PCDH15: variants seen among roughly 807,000 people sequenced by gnomAD.
PCDH15 encodes protocadherin-15.
Under a neutral mutation model 178.5 loss-of-function variants are expected in PCDH15, and 129 were observed. That is an observed-to-expected ratio of 0.72 (90% CI 0.63 to 0.84). PCDH15 has a LOEUF of 0.84. Ranked by LOEUF, PCDH15 falls within the 40% of genes least tolerant of loss-of-function variation. PCDH15 has a pLI of 0.00. For synonymous variants in PCDH15, 800 were observed against 732.0 expected (o/e 1.09, Z -1.50); for missense variants, 2,230 against 2,099.9 (o/e 1.06, Z -1.21).
chr10:53,880,843 TA>T (rs2080656328), intron 26 of PCDH15, among the ~76,000 whole-genome samples: 1 of 152,070 alleles, frequency 6.6e-6, no homozygotes, highest in Admixed American at 6.5e-5. Context: ...CATGGGACAA[TA>T]AGATCTGTCT....
At chr10:54,944,779 A>G (rs952805357) in intron 2 of PCDH15, among the ~76,000 whole-genome samples, 1 of 151,922 alleles carries the variant, frequency 6.6e-6, no homozygotes, top group Non-Finnish European at 1.5e-5. Flanking sequence ...TATGTTGGGG[A>G]GAATACAAAG....
chr10:54,741,540 G>A (rs1944807955), intron 1 of PCDH15, among the ~76,000 whole-genome samples: 1 of 151,926 alleles, frequency 6.6e-6, no homozygotes, highest in Non-Finnish European at 1.5e-5. Context: ...CAAAATTGAT[G>A]GTTTAAAACA....
At chr10:54,945,159 A>G (rs1291142980) in intron 2 of PCDH15, among the ~76,000 whole-genome samples, 2 of 151,924 alleles carry the variant, frequency 1.3e-5, no homozygotes, top group Non-Finnish European at 2.9e-5. Context: ...TACATAGAAA[A>G]TAAATACTTT....
chr10:55,441,098 C>G (rs1839174121), intron 2 of PCDH15, among the ~76,000 whole-genome samples: 2 of 152,126 alleles, frequency 1.3e-5, no homozygotes, highest in Non-Finnish European at 2.9e-5. Flanking sequence ...AAACATTACT[C>G]TAAGAATGTA....
rs1270092214 is a variant in PCDH15, at chr10:55,131,101, G to C, written c.-80+35475C>G. 3.3e-5 allele frequency among the ~76,000 whole-genome samples: 5 copies of C among 151,984 alleles called. No homozygotes were observed. The East Asian group carries it at 7.8e-4, about 24-fold the overall frequency. On this transcript the variant is annotated intron_variant, in intron 2 of 5. Transcript: ENST00000458638. ...AGTCTCAGTATTTGTACATTCTACTGGTTTAGAAAAATGTATTATGGCATG... is the reference window on the plus strand; with the variant it reads ...AGTCTCAGTATTTGTACATTCTACTCGTTTAGAAAAATGTATTATGGCATG...
chr10:54,558,756 A>T (rs925505057), intron 2 of PCDH15, among the ~76,000 whole-genome samples: 8 of 152,036 alleles, frequency 5.3e-5, no homozygotes, highest in Non-Finnish European at 1.2e-4. Flanking sequence ...TTGTGGGAAA[A>T]TGTGAGAAAT....
At chr10:54,987,280 G>C (rs1012196837) in intron 2 of PCDH15, among the ~76,000 whole-genome samples, 8 of 152,120 alleles carry the variant, frequency 5.3e-5, no homozygotes. Flanking sequence ...GGGCATTTGG[G>C]TTCATTCCAA....
At chr10:54,854,253 G>T (rs1487562258) in intron 3 of PCDH15, among the ~76,000 whole-genome samples, 3 of 152,160 alleles carry the variant, frequency 2.0e-5, no homozygotes, top group Non-Finnish European at 2.9e-5. Flanking sequence ...AAACTCCAGG[G>T]CCCCAAAGAG....
chr10:54,155,876 T>C (rs1388989334), intron 13 of PCDH15, among the ~76,000 whole-genome samples: 2 of 151,808 alleles, frequency 1.3e-5, no homozygotes, highest in African/African-American at 4.8e-5. Context: ...TGATGTTGAA[T>C]GGAGTTGTAG....
chr10:54,129,231 T>C (rs1242870407), intron 15 of PCDH15, among the ~76,000 whole-genome samples: 1 of 152,160 alleles, frequency 6.6e-6, no homozygotes, highest in African/African-American at 2.4e-5. Context: ...GCAGCTGACA[T>C]TCAGTAACAT....
intron 13 of PCDH15, among the ~76,000 whole-genome samples, chr10:54,179,853 C>T (rs904563334): frequency 2.6e-5 from 4 of 152,066 alleles, no homozygotes; most frequent in Admixed American, 6.6e-5. Context: ...CAGATGTTTG[C>T]GAATAGTGTT....
chr10:54,637,118 C>T (rs1015972861), intron 2 of PCDH15, among the ~76,000 whole-genome samples: 3 of 132,388 alleles, frequency 2.3e-5, no homozygotes, highest in African/African-American at 8.7e-5. Flanking sequence ...AACTAAGAAT[C>T]AATCTTCAAA....
chr10:55,187,955 C>T (rs1393442729), intron 1 of PCDH15, among the ~76,000 whole-genome samples: 1 of 151,832 alleles, frequency 6.6e-6, no homozygotes, highest in Non-Finnish European at 1.5e-5. Flanking sequence ...CAGTCAAGAG[C>T]AGAAGCAGAA....
At chr10:55,247,427 C>A (rs1841705853) in intron 1 of PCDH15, among the ~76,000 whole-genome samples, 1 of 152,118 alleles carries the variant, frequency 6.6e-6, no homozygotes, top group South Asian at 2.1e-4. Flanking sequence ...TCTCAGAAGT[C>A]TCTGTCCATT....
chr10:54,735,962 C>T (rs1255811360), intron 1 of PCDH15, among the ~76,000 whole-genome samples: 3 of 147,044 alleles, frequency 2.0e-5, no homozygotes, highest in Non-Finnish European at 3.0e-5. Flanking sequence ...CACATGTATA[C>T]ATATGTAACT....
chr10:54,196,424 GA>G (rs1246744869), intron 10 of PCDH15, among the ~76,000 whole-genome samples: 1 of 152,202 alleles, frequency 6.6e-6, no homozygotes, highest in Non-Finnish European at 1.5e-5. Flanking sequence ...TTACAGGCGT[GA>G]GCCACCGCGC....
intron 8 of PCDH15, among the ~76,000 whole-genome samples, chr10:54,298,198 C>T (rs1271498271): frequency 6.6e-6 from 1 of 152,162 alleles, no homozygotes; most frequent in Non-Finnish European, 1.5e-5. Context: ...AAATACACTC[C>T]ACTGTCAACT....
intron 28 of PCDH15, among the ~76,000 whole-genome samples, chr10:53,856,329 A>C (rs984257592): frequency 2.0e-5 from 3 of 152,196 alleles, no homozygotes; most frequent in Admixed American, 2.0e-4. Context: ...TTACAGTATC[A>C]AAATATAAGA....
chr10:55,584,720 A>G (rs939238954), intron 2 of PCDH15, among the ~76,000 whole-genome samples: 1 of 151,344 alleles, frequency 6.6e-6, no homozygotes, highest in African/African-American at 2.4e-5. Context: ...TCTCATCTCT[A>G]AAATAGATAC....
Sources: allele counts gnomAD v4.1 joint callset (sites outside exome capture counted in the v4.1 genomes callset), GRCh38; gene constraint gnomAD v4.1.1; transcripts MANE v1.5; gene names NCBI Gene and HGNC (gene_info 2026-07-23, HGNC 2026-07-21).